Variants in PRPF39 observed in about 807,000 individuals in gnomAD.
The protein encoded by PRPF39 is pre-mRNA processing factor 39, also known as pre-mRNA-processing factor 39.
In PRPF39, 27 loss-of-function variants were observed where a neutral mutation model predicts 82.1. The ratio of observed to expected loss-of-function variants is 0.33; its 90% CI spans 0.24 to 0.45. The LOEUF (loss-of-function observed/expected upper bound fraction) is 0.45, where lower values mean the gene tolerates loss of function less well. Ranked by LOEUF, PRPF39 falls within the 20% of genes least tolerant of loss-of-function variation. The pLI, the probability that PRPF39 is intolerant of heterozygous loss-of-function variation, is 1.00. For synonymous variants in PRPF39, 261 were observed against 256.4 expected, an observed-to-expected ratio of 1.02 and a Z score of -0.17; for missense variants, 581 against 796.9, an observed-to-expected ratio of 0.73 and a Z score of 3.26.
chr14:45,087,587 T>C (rs1566688777), intron 1 of PRPF39, among the ~76,000 whole-genome samples: 1 of 151,894 alleles, frequency 6.6e-6, no homozygotes, highest in East Asian at 1.9e-4. Flanking sequence ...TGTTTTGTTT[T>C]TTTTGAGATG....
intron 5 of PRPF39, among the ~76,000 whole-genome samples, chr14:45,103,603 T>C (rs1594732149): frequency 6.6e-6 from 1 of 152,270 alleles, no homozygotes; most frequent in Non-Finnish European, 1.5e-5. Flanking sequence ...GTAGAAGTTA[T>C]ACAGACTCAG....
chr14:45,112,368 C>T lies in PRPF39; in HGVS notation c.1623C>T (p.Asp541=). 6.3e-7 allele frequency: 1 copy of T among 1,581,604 alleles called. No individual in the cohort carries two copies. The highest frequency in any genetic ancestry group is 1.4e-5 in the African/African-American group (1 of 72,956). The change falls in exon 11 of 14, where the codon GAC becomes GAT. Residue 541 remains aspartate (D), a synonymous_variant. Transcript: ENST00000355765. ...TACTTGAAATGGAATATAGTGGTGA[C>T]CTCAAACAAAATGAAGAAAATATCC... ...LNLLEMEYSG[D]LKQNEENILN...
At chr14:45,096,839 T>A in intron 3 of PRPF39, 48 bp from the exon 4 acceptor site, 1 of 1,534,716 alleles carries the variant, frequency 6.5e-7, no homozygotes, top group Non-Finnish European at 8.8e-7. Flanking sequence ...GCCTCTCTGT[T>A]AAGAAATAAT....
rs1412489444 is a variant in PRPF39, at chr14:45,095,368, G to C, written c.129G>C (p.Gln43His). 4 of 1,613,856 alleles carry C rather than the reference G, an allele frequency of 2.5e-6. No individual in the cohort carries two copies. In the African/African-American group the frequency reaches 4.0e-5, roughly 16 times the overall value. The change falls in exon 2 of 14, where the codon CAG (glutamine) becomes CAC (histidine). Residue 43 changes from glutamine (Q) to histidine (H), a missense_variant. Transcript: ENST00000355765. ...TTATGAACGTTACAGAAATGGAACA[G>C]TCACCTGATGACTCTCCCAATGTGA... Reference protein sequence around the residue: ...TEIMNVTEMEQSPDDSPNVNA... With the variant: ...TEIMNVTEMEHSPDDSPNVNA...
At chr14:45,105,676 G>A (rs912260775) in intron 5 of PRPF39, among the ~76,000 whole-genome samples, 2 of 151,656 alleles carry the variant, frequency 1.3e-5, no homozygotes, top group Admixed American at 1.3e-4. Context: ...ACAGGTGCCC[G>A]CCCCGACACG....
chr14:45,097,208 A>G (rs867387382), intron 4 of PRPF39, among the ~76,000 whole-genome samples: 71 of 152,208 alleles, frequency 4.7e-4, no homozygotes, highest in African/African-American at 1.6e-3. Context: ...TATGTCCCCA[A>G]TTCCACTCCT....
chr14:45,099,014 C>T (rs1005160051), intron 4 of PRPF39, among the ~76,000 whole-genome samples: 4 of 152,182 alleles, frequency 2.6e-5, no homozygotes, highest in Non-Finnish European at 5.9e-5. Context: ...TTTATAGCTT[C>T]TGCTATTGCT....
intron 12 of PRPF39, 22 bp downstream of exon 12, chr14:45,114,279 C>G (rs528774180): frequency 2.6e-6 from 4 of 1,536,608 alleles, no homozygotes; most frequent in African/African-American, 1.4e-5. Context: ...TTTGCTAAGT[C>G]AAGAAGGCGT....
At position 45,114,887 on chromosome 14, in the gene PRPF39, C is replaced by A; in HGVS notation, c.1984C>A (p.Gln662Lys). ...TTATCAGAATCCTTGGAATTATGGA[C>A]AATATTATCCTCCCCCTCCAACCTG... ...YNYQNPWNYG[Q>K]YYPPPPT Residue 662 changes from glutamine to lysine, a missense_variant, in exon 14 of 14, where the codon CAA becomes AAA. Gln to Lys is a moderately conservative substitution (Grantham distance 53, BLOSUM62 1). Coordinates refer to ENST00000355765, the MANE Select transcript of PRPF39 (RefSeq NM_017922.4). 6.3e-7 allele frequency: 1 copy of A among 1,599,612 alleles called. No homozygotes were observed.
chr14:45,114,964 AT>A lies in PRPF39; in HGVS notation c.*59del, dbSNP rs201624523. The A allele has an allele frequency of 8.0e-5, 112 of 1,394,434 alleles. No homozygotes were observed. Among genetic ancestry groups the A allele is most frequent in the Non-Finnish European group, 9.3e-5 (92 of 984,826 alleles). The allele number at this position is 1,394,434 out of a possible 1,614,324, so 86.4% of individuals were successfully genotyped here. ...AGTGTGTGAAAAGTATGAAATTATT[AT>A]TTTTTTTAATGAGGGATGTAAACAG... On this transcript the variant is annotated 3_prime_UTR_variant, in exon 14 of 14. Transcript: ENST00000355765.
In PRPF39 at chr14:45,086,913, TA is replaced by T. The variant is rs559995770; in HGVS notation, c.-20+2667del. Among the ~76,000 whole-genome samples the T allele has an allele frequency of 2.3e-3, 328 of 142,672 alleles. 2 individuals carry two copies. Among genetic ancestry groups the T allele is most frequent in the Middle Eastern group, 3.8e-3 (1 of 266 alleles). 93.6% of individuals were successfully genotyped at this position (142,672 alleles called of 152,430 possible). ...ATGTACATGGACATCACTAACTCAATAAACAGTTCAATTGTGTGTGCTTCAA... is the reference window on the plus strand; with the variant it reads ...ATGTACATGGACATCACTAACTCAATAACAGTTCAATTGTGTGTGCTTCAA... On this transcript the variant is annotated intron_variant, in intron 1 of 13. Transcript: ENST00000355765.
intron 4 of PRPF39, among the ~76,000 whole-genome samples, chr14:45,099,346 T>G (rs2139049219): frequency 6.6e-6 from 1 of 152,268 alleles, no homozygotes; most frequent in South Asian, 2.1e-4. Flanking sequence ...ACTGAGTTTT[T>G]CTTTTCTTCT....
chr14:45,107,700 A>G (rs1489966375), intron 6 of PRPF39, 84 bp downstream of exon 6: 2 of 1,377,690 alleles, frequency 1.5e-6, no homozygotes, highest in Non-Finnish European at 2.0e-6. Flanking sequence ...AGGCCAAGGT[A>G]GGCGGGTCAC....
intron 4 of PRPF39, among the ~76,000 whole-genome samples, chr14:45,102,033 C>T (rs907440479): frequency 8.5e-5 from 13 of 152,174 alleles, no homozygotes; most frequent in African/African-American, 3.1e-4. Flanking sequence ...TCTTGAACTC[C>T]TGACCTAAGG....
At chr14:45,114,302 A>T in intron 12 of PRPF39, 45 bp downstream of exon 12, 1 of 1,445,344 alleles carries the variant, frequency 6.9e-7, no homozygotes, top group Non-Finnish European at 9.5e-7. Flanking sequence ...TTCATTATGG[A>T]AATGCCTTCA....
intron 3 of PRPF39, 67 bp downstream of exon 3, chr14:45,096,295 A>AT (rs374922767): frequency 0.05 from 64,203 of 1,273,636 alleles, 607 homozygotes; most frequent in African/African-American, 0.17. Flanking sequence ...CAAAACAAAG[A>AT]TTTTTTTTTT....
At chr14:45,084,459 C>G (rs1200054414) in intron 1 of PRPF39, among the ~76,000 whole-genome samples, 2 of 152,116 alleles carry the variant, frequency 1.3e-5, no homozygotes, top group African/African-American at 2.4e-5. Context: ...TTTCTTAGAC[C>G]AAACGTTTCA....
At chr14:45,101,881 A>C (rs1365544584) in intron 4 of PRPF39, among the ~76,000 whole-genome samples, 1 of 150,244 alleles carries the variant, frequency 6.7e-6, no homozygotes, top group Non-Finnish European at 1.5e-5. Flanking sequence ...ATCTTGGCTC[A>C]TTGCAACCTC....
chr14:45,112,159 A>G (rs756958175), intron 10 of PRPF39, among the ~76,000 whole-genome samples, 159 bp from the exon 11 acceptor site: 1 of 152,130 alleles, frequency 6.6e-6, no homozygotes, highest in South Asian at 2.1e-4. Flanking sequence ...GAATTTTTTC[A>G]CCCCTTTAGA....
Sources: allele counts gnomAD v4.1 joint callset (sites outside exome capture counted in the v4.1 genomes callset), GRCh38; gene constraint gnomAD v4.1.1; transcripts MANE v1.5; gene names NCBI Gene and HGNC (gene_info 2026-07-23, HGNC 2026-07-21).